Variants in GLRB observed in about 807,000 individuals in gnomAD.
GLRB encodes the protein glycine receptor beta, also known as glycine receptor subunit beta.
A neutral mutation model predicts 54.2 loss-of-function variants in GLRB; 33 were observed. The ratio of observed to expected loss-of-function variants is 0.61; its 90% CI spans 0.46 to 0.81. The LOEUF (loss-of-function observed/expected upper bound fraction) is 0.81. Among genes scored for constraint, GLRB ranks in the 40% least tolerant of loss-of-function variants. The pLI is 0.00. For synonymous variants in GLRB, 209 were observed against 208.2 expected, an observed-to-expected ratio of 1.00 and a Z score of -0.03; for missense variants, 572 against 584.6, an observed-to-expected ratio of 0.98 and a Z score of 0.22.
At chr4:157,076,716 C>T (rs1421041220) in intron 1 of GLRB, among the ~76,000 whole-genome samples, 2 of 151,950 alleles carry the variant, frequency 1.3e-5, no homozygotes, top group Non-Finnish European at 2.9e-5. Flanking sequence ...GGGGGCTCGG[C>T]CCTCCTTTTT....
chr4:157,130,593 A>G (rs1256678973), intron 4 of GLRB, among the ~76,000 whole-genome samples: 5 of 151,598 alleles, frequency 3.3e-5, no homozygotes, highest in African/African-American at 1.2e-4. Flanking sequence ...TTTATGGCCA[A>G]ATAATATTCC....
chr4:157,090,689 T>A (rs1405292495), intron 2 of GLRB, among the ~76,000 whole-genome samples: 1 of 152,234 alleles, frequency 6.6e-6, no homozygotes, highest in Non-Finnish European at 1.5e-5. Context: ...GTGGTTCTTT[T>A]GTCCAATTGT....
intron 2 of GLRB, among the ~76,000 whole-genome samples, chr4:157,090,176 G>C (rs536742073): frequency 2.0e-5 from 3 of 152,222 alleles, no homozygotes; most frequent in African/African-American, 7.2e-5. Flanking sequence ...AGCATGTTTA[G>C]GGACACAAAG....
chr4:157,167,979 G>A (rs1737776982), intron 9 of GLRB, among the ~76,000 whole-genome samples: 2 of 152,098 alleles, frequency 1.3e-5, no homozygotes, highest in African/African-American at 4.8e-5. Context: ...CCCCAGGGAG[G>A]ACACCAAGCC....
chr4:157,090,069 C>T (rs866298786), intron 2 of GLRB, among the ~76,000 whole-genome samples: 17 of 152,124 alleles, frequency 1.1e-4, no homozygotes, highest in South Asian at 8.3e-4. Context: ...GCAGTACTTT[C>T]CTAGATTCCT....
At chr4:157,162,730 G>A (rs986247695) in intron 9 of GLRB, among the ~76,000 whole-genome samples, 1 of 152,188 alleles carries the variant, frequency 6.6e-6, no homozygotes, top group Admixed American at 6.5e-5. Context: ...GCTGTATGAG[G>A]TGTCAGTTGG....
chr4:157,085,990 A>G (rs1734397806), intron 2 of GLRB, among the ~76,000 whole-genome samples: 1 of 151,952 alleles, frequency 6.6e-6, no homozygotes, highest in Non-Finnish European at 1.5e-5. Flanking sequence ...TTTTAGAGAC[A>G]GGATCTTACT....
At chr4:157,142,117 G>A (rs1177044800) in intron 7 of GLRB, among the ~76,000 whole-genome samples, 1 of 152,064 alleles carries the variant, frequency 6.6e-6, no homozygotes, top group South Asian at 2.1e-4. Context: ...CTCAATTGTA[G>A]CAATTGTACT....
chr4:157,136,856 A>G lies in GLRB; in HGVS notation c.580A>G (p.Thr194Ala), dbSNP rs760224325. 2 of 1,609,126 alleles carry G rather than the reference A, an allele frequency of 1.2e-6. No homozygotes were observed. The highest frequency in any genetic ancestry group is 2.2e-5 in the South Asian group (2 of 91,004). ...PLDLTLFPMD[T>A]QRCKMQLESF... ...GGACTTGACATTGTTTCCCATGGAT[A>G]CACAACGTTGCAAGATGCAACTGGA... Residue 194 changes from threonine (T) to alanine (A), a missense_variant, in exon 6 of 10, where the codon ACA becomes GCA. Transcript: ENST00000264428.
chr4:157,157,709 T>G (rs2126612954), intron 9 of GLRB, among the ~76,000 whole-genome samples: 1 of 152,344 alleles, frequency 6.6e-6, no homozygotes, highest in East Asian at 1.9e-4. Context: ...ATGGTGTATG[T>G]GTGCCACATT....
Position 157,170,439 on chromosome 4 carries a change from A to G in GLRB, c.1205A>G (p.Glu402Gly). The change falls in exon 10 of 10, where the codon GAG (glutamate) becomes GGG (glycine). Residue 402 changes from glutamate (E) to glycine (G), a missense_variant. By Grantham distance (98) the Glu-to-Gly change is moderately conservative. Transcript: ENST00000264428. ...PVHISTLQVG[E>G]TRCKKVCTSK... ...TTCAATATTTATTCTTAGGTTGGTGAGACCAGATGCAAAAAAGTTTGTACT... is the reference window on the plus strand; with the variant it reads ...TTCAATATTTATTCTTAGGTTGGTGGGACCAGATGCAAAAAAGTTTGTACT... 6.3e-7 allele frequency: 1 copy of G among 1,580,682 alleles called. No individual in the cohort carries two copies. The highest frequency in any genetic ancestry group is 1.3e-5 in the African/African-American group (1 of 74,412).
At chr4:157,083,856 T>C (rs1237801549) in intron 2 of GLRB, among the ~76,000 whole-genome samples, 1 of 152,116 alleles carries the variant, frequency 6.6e-6, no homozygotes, top group Non-Finnish European at 1.5e-5. Context: ...CCAGAAAAAC[T>C]TTTCTCTTTT....
At chr4:157,132,328 T>C (rs576992663) in intron 4 of GLRB, among the ~76,000 whole-genome samples, 1 of 151,926 alleles carries the variant, frequency 6.6e-6, no homozygotes, top group East Asian at 1.9e-4. Flanking sequence ...ACCTTTCCAC[T>C]GTCTCTTGCT....
chr4:157,097,673 A>C (rs946626520), intron 2 of GLRB, among the ~76,000 whole-genome samples: 1 of 152,216 alleles, frequency 6.6e-6, no homozygotes, highest in Non-Finnish European at 1.5e-5. Flanking sequence ...GACTTTTTAC[A>C]TACAGCTCAT....
At chr4:157,132,751 GAACA>G (rs1036418161) in intron 4 of GLRB, among the ~76,000 whole-genome samples, 4 of 151,976 alleles carry the variant, frequency 2.6e-5, no homozygotes, top group African/African-American at 7.2e-5. Flanking sequence ...TTGAATTAAT[GAACA>G]AACAAAGGAA....
At chr4:157,131,887 T>G (rs529243330) in intron 4 of GLRB, among the ~76,000 whole-genome samples, 1 of 151,786 alleles carries the variant, frequency 6.6e-6, no homozygotes, top group African/African-American at 2.4e-5. Flanking sequence ...AAGTGAAGGG[T>G]TTTATGCTGA....
intron 8 of GLRB, among the ~76,000 whole-genome samples, chr4:157,147,031 G>T (rs1007749440): frequency 3.9e-5 from 6 of 152,142 alleles, no homozygotes; most frequent in African/African-American, 1.4e-4. Context: ...GAGAAGATGG[G>T]CAGGCCAGGA....
intron 2 of GLRB, among the ~76,000 whole-genome samples, chr4:157,094,335 A>G (rs2126461212): frequency 6.6e-6 from 1 of 152,324 alleles, no homozygotes; most frequent in East Asian, 1.9e-4. Context: ...TCTTTTGCTC[A>G]CTAACTCTGT....
chr4:157,117,044 G>A (rs1381468001), intron 2 of GLRB, among the ~76,000 whole-genome samples: 2 of 151,546 alleles, frequency 1.3e-5, no homozygotes, highest in Non-Finnish European at 3.0e-5. Context: ...ACAAAAATTT[G>A]TTTTTAACAG....
Sources: gnomAD v4.1 joint callset for allele counts (sites outside exome capture counted in the v4.1 genomes callset) on GRCh38, gnomAD v4.1.1 for gene constraint, MANE v1.5 for transcripts, NCBI Gene and HGNC (gene_info 2026-07-23, HGNC 2026-07-21) for gene names.